The following ADAM18 variants were observed in gnomAD, a reference collection of about 807,000 sequenced individuals.
ADAM18 encodes ADAM metallopeptidase domain 18.
A neutral mutation model predicts 94.4 loss-of-function variants in ADAM18; 117 were observed. That is an observed-to-expected ratio of 1.24 (90% CI 1.07 to 1.45). The LOEUF (loss-of-function observed/expected upper bound fraction) is 1.45, where lower values mean the gene tolerates loss of function less well. Among genes scored for constraint, ADAM18 ranks in the 40% most tolerant of loss-of-function variants. The pLI is 0.00. For missense variants in ADAM18, 936 were observed against 880.0 expected (o/e 1.06, Z -0.81); for synonymous variants, 327 against 291.6 (o/e 1.12, Z -1.24).
intron 17 of ADAM18, among the ~76,000 whole-genome samples, chr8:39,701,763 G>A (rs1186051344): frequency 6.6e-6 from 1 of 152,062 alleles, no homozygotes; most frequent in Non-Finnish European, 1.5e-5. Flanking sequence ...TCCTGTGTTT[G>A]TTTGCCAAGG....
intron 6 of ADAM18, among the ~76,000 whole-genome samples, chr8:39,617,158 A>G (rs1025023860): frequency 6.6e-6 from 1 of 152,220 alleles, no homozygotes; most frequent in Admixed American, 6.5e-5. Flanking sequence ...AAGAAAAAAA[A>G]GAATCCTATT....
At chr8:39,727,763 G>C (rs540424331) in intron 19 of ADAM18, among the ~76,000 whole-genome samples, 1 of 152,098 alleles carries the variant, frequency 6.6e-6, no homozygotes, top group Non-Finnish European at 1.5e-5. Flanking sequence ...TGAGCCCTCC[G>C]AACTCTCCCA....
At chr8:39,648,078 A>T (rs1395030357) in intron 11 of ADAM18, among the ~76,000 whole-genome samples, 1 of 152,238 alleles carries the variant, frequency 6.6e-6, no homozygotes, top group Non-Finnish European at 1.5e-5. Flanking sequence ...ATATAGAGAT[A>T]TGTAAATGCA....
rs1332286717 is a variant in ADAM18, at chr8:39,602,645, T to C, written c.133-3662T>C. Among the ~76,000 whole-genome samples, 4 of 152,304 alleles carry C rather than the reference T, an allele frequency of 2.6e-5. No individual in the cohort carries two copies. In the East Asian group the frequency reaches 7.7e-4, roughly 29 times the overall value. On this transcript the variant is annotated intron_variant, in intron 2 of 19. Coordinates refer to ENST00000265707, the MANE Select transcript of ADAM18 (RefSeq NM_014237.3). ...TAAGATTCAGACATTTTGTTCATTT[T>C]TAAATTGGGTTGTTTCTTGTTTTTG... is the stretch of plus-strand genomic sequence containing the variant.
In ADAM18 at chr8:39,665,243, CATGTTCTT is replaced by C. The variant is rs1820965805; in HGVS notation, c.1326+1359_1326+1366del. On this transcript the variant is annotated intron_variant, in intron 13 of 19. Coordinates refer to ENST00000265707, the MANE Select transcript of ADAM18 (RefSeq NM_014237.3). ...TAACATAATGTATTTGAGATACATT[CATGTTCTT>C]ATGTTTATTAGCAGATCATTCCTTT... Among the ~76,000 whole-genome samples the C allele has an allele frequency of 9.2e-5, 14 of 152,222 alleles. No individual in the cohort carries two copies. The South Asian group carries it at 2.9e-3, about 32-fold the overall frequency.
At chr8:39,589,166 T>G (rs1430617833) in intron 2 of ADAM18, among the ~76,000 whole-genome samples, 1 of 152,254 alleles carries the variant, frequency 6.6e-6, no homozygotes, top group African/African-American at 2.4e-5. Flanking sequence ...GTTACGTTGA[T>G]GTCCTTTTAA....
At chr8:39,675,924 C>A (rs1019748755) in intron 14 of ADAM18, among the ~76,000 whole-genome samples, 2 of 152,206 alleles carry the variant, frequency 1.3e-5, no homozygotes, top group African/African-American at 4.8e-5. Context: ...AGGTCCACTC[C>A]AGACCCTGTT....
chr8:39,694,881 AAT>A (rs1821879295), intron 17 of ADAM18, among the ~76,000 whole-genome samples: 1 of 151,544 alleles, frequency 6.6e-6, no homozygotes, highest in African/African-American at 2.4e-5. Flanking sequence ...GTGTCTTAAA[AAT>A]ATGTTTCCAT....
At chr8:39,688,182 T>C (rs1821661715) in intron 16 of ADAM18, among the ~76,000 whole-genome samples, 1 of 152,238 alleles carries the variant, frequency 6.6e-6, no homozygotes, top group Non-Finnish European at 1.5e-5. Flanking sequence ...TGGTTTTGAT[T>C]TGCATGTCTC....
rs1033835562 is a variant in ADAM18 at position 39,677,551 on chromosome 8, A to G, written c.1631+15A>G. 3 of 1,546,474 alleles carry G rather than the reference A, an allele frequency of 1.9e-6. No individual in the cohort carries two copies. Among genetic ancestry groups the G allele is most frequent in the African/African-American group, 1.4e-5 (1 of 72,154 alleles). The stretch of plus-strand genomic sequence containing the variant: ...TGTGAACGGAAGTACGTATGTAGAA[A>G]ATGATTGCTTCTTTGAATCATAAAA... On this transcript the variant is annotated intron_variant, in intron 15 of 19. Coordinates refer to ENST00000265707, the MANE Select transcript of ADAM18 (RefSeq NM_014237.3).
rs969706911 is a variant in ADAM18, at chr8:39,686,793, A to G, written c.1822-5807A>G. On this transcript the variant is annotated intron_variant, in intron 16 of 19. Coordinates refer to ENST00000265707, the MANE Select transcript of ADAM18 (RefSeq NM_014237.3). ...TTTTAAGAAATGCGTAGGAATCAGA[A>G]CTCTGTGCAATTGGAAGTTTCTTTG... 2.0e-5 allele frequency among the ~76,000 whole-genome samples: 3 copies of G among 152,208 alleles called. 1 individual carries two copies. Among genetic ancestry groups the G allele is most frequent in the African/African-American group, 7.2e-5 (3 of 41,456 alleles).
At chr8:39,645,021 A>G (rs919658143) in intron 10 of ADAM18, among the ~76,000 whole-genome samples, 1 of 152,152 alleles carries the variant, frequency 6.6e-6, no homozygotes, top group African/African-American at 2.4e-5. Flanking sequence ...ATTGATATCT[A>G]TTCATTGGAT....
At chr8:39,714,432 G>A (rs915841775) in intron 18 of ADAM18, among the ~76,000 whole-genome samples, 3 of 152,064 alleles carry the variant, frequency 2.0e-5, no homozygotes, top group Admixed American at 6.6e-5. Flanking sequence ...AGAACTTAAA[G>A]TATAGTAACA....
intron 6 of ADAM18, among the ~76,000 whole-genome samples, chr8:39,628,850 T>G (rs1819848496): frequency 6.6e-6 from 1 of 152,092 alleles, no homozygotes; most frequent in Non-Finnish European, 1.5e-5. Flanking sequence ...GTCCAGAGCA[T>G]AGGCTTTGTG....
intron 10 of ADAM18, among the ~76,000 whole-genome samples, chr8:39,640,089 G>A (rs1820194083): frequency 6.6e-6 from 1 of 152,054 alleles, no homozygotes; most frequent in South Asian, 2.1e-4. Context: ...AGTTAAAAGT[G>A]TGCCATGCTG....
At chr8:39,684,445 T>C (rs1002778012) in intron 16 of ADAM18, among the ~76,000 whole-genome samples, 1 of 152,184 alleles carries the variant, frequency 6.6e-6, no homozygotes, top group Admixed American at 6.5e-5. Context: ...AACCAAAATG[T>C]TTTAACTGGG....
chr8:39,719,643 C>T (rs912471409), intron 18 of ADAM18, among the ~76,000 whole-genome samples: 7 of 151,246 alleles, frequency 4.6e-5, no homozygotes, highest in African/African-American at 1.7e-4. Context: ...AAAAGGGGGG[C>T]AAAATAAGCA....
intron 10 of ADAM18, among the ~76,000 whole-genome samples, chr8:39,642,399 A>C (rs1180556001): frequency 1.3e-5 from 2 of 152,044 alleles, no homozygotes; most frequent in African/African-American, 4.8e-5. Flanking sequence ...TGAGTTTTAC[A>C]TTTAAGTCTT....
At chr8:39,641,535 C>T (rs1245216049) in intron 10 of ADAM18, among the ~76,000 whole-genome samples, 1 of 151,958 alleles carries the variant, frequency 6.6e-6, no homozygotes, top group Non-Finnish European at 1.5e-5. Flanking sequence ...TTCCATGTGT[C>T]TAGGTGTCCA....
Sources: gnomAD v4.1 joint callset for allele counts (sites outside exome capture counted in the v4.1 genomes callset) on GRCh38, gnomAD v4.1.1 for gene constraint, MANE v1.5 for transcripts, NCBI Gene and HGNC (gene_info 2026-07-23, HGNC 2026-07-21) for gene names.